Variants in COBLL1 observed in about 807,000 individuals in gnomAD.
COBLL1 encodes cordon-bleu protein-like 1.
COBLL1 carries 50 observed loss-of-function variants against 94.8 expected under a neutral mutation model. The ratio of observed to expected loss-of-function variants is 0.53; its 90% CI spans 0.42 to 0.67. The LOEUF is 0.67. Ranked by LOEUF, COBLL1 falls within the 30% of genes least tolerant of loss-of-function variation. COBLL1 has a pLI of 0.00. For missense variants in COBLL1, 1,362 were observed against 1,348.7 expected (o/e 1.01, Z -0.15); for synonymous variants, 448 against 473.8 (o/e 0.95, Z 0.71).
intron 2 of COBLL1, among the ~76,000 whole-genome samples, chr2:164,829,500 A>G (rs1682957541): frequency 2.0e-5 from 3 of 152,166 alleles, no homozygotes; most frequent in Admixed American, 1.3e-4. Flanking sequence ...TACTTAGCTA[A>G]CTAAAGCAAA....
chr2:164,828,686 C>T (rs1011433281), intron 2 of COBLL1, among the ~76,000 whole-genome samples: 2 of 152,178 alleles, frequency 1.3e-5, no homozygotes, highest in Non-Finnish European at 2.9e-5. Flanking sequence ...GCAACTGAGA[C>T]GTGGCCAGCG....
chr2:164,759,767 A>G (rs188066923), intron 2 of COBLL1, among the ~76,000 whole-genome samples: 18 of 152,366 alleles, frequency 1.2e-4, no homozygotes, highest in African/African-American at 4.1e-4. Flanking sequence ...CTCGTTACCA[A>G]CGAGGGTACA....
chr2:164,784,532 T>G (rs960762244), intron 2 of COBLL1, among the ~76,000 whole-genome samples: 6 of 152,082 alleles, frequency 3.9e-5, no homozygotes, highest in Admixed American at 6.5e-5. Flanking sequence ...TGTGAGCATA[T>G]CCACCCATTG....
chr2:164,775,709 C>T (rs1688430957), intron 2 of COBLL1, among the ~76,000 whole-genome samples: 1 of 152,100 alleles, frequency 6.6e-6, no homozygotes, highest in African/African-American at 2.4e-5. Flanking sequence ...CAGCCTTGGC[C>T]TATCAAAGTG....
chr2:164,732,404 G>C (rs546607257), intron 3 of COBLL1, among the ~76,000 whole-genome samples: 1 of 152,124 alleles, frequency 6.6e-6, no homozygotes, highest in Non-Finnish European at 1.5e-5. Flanking sequence ...TGTGGAAGTT[G>C]ATTTTTTGGT....
At chr2:164,765,640 G>A (rs355841) in intron 2 of COBLL1, among the ~76,000 whole-genome samples, 36,037 of 151,968 alleles carry the variant, frequency 0.24, 5,053 homozygotes, top group African/African-American at 0.39. Context: ...CTCGGTGAAA[G>A]GTGAGTAATG....
Position 164,757,450 on chromosome 2 carries a change from G to T in COBLL1, c.42-13575C>A, listed in dbSNP as rs145112914. Among the ~76,000 whole-genome samples, 907 of 152,028 alleles carry T rather than the reference G, an allele frequency of 6.0e-3. 2 individuals carry two copies. Among genetic ancestry groups the T allele is most frequent in the Non-Finnish European group, 0.01 (701 of 67,968 alleles). ...ATTTTTGTTTCCTTTTATCAAAGAGGAAAATTCCTCATGAAAGAAACAAAA... is the reference window on the plus strand; with the variant it reads ...ATTTTTGTTTCCTTTTATCAAAGAGTAAAATTCCTCATGAAAGAAACAAAA... On this transcript the variant is annotated intron_variant, in intron 2 of 13. Coordinates refer to ENST00000652658, the MANE Select transcript of COBLL1 (RefSeq NM_001365672.2).
At chr2:164,730,630 T>A (rs1478314932) in intron 3 of COBLL1, among the ~76,000 whole-genome samples, 49 of 152,204 alleles carry the variant, frequency 3.2e-4, no homozygotes, top group Admixed American at 3.2e-3. Flanking sequence ...AGAGCATAGA[T>A]CCTAGTGTCA....
intron 2 of COBLL1, among the ~76,000 whole-genome samples, chr2:164,818,789 AT>A (rs1407080573): frequency 7.4e-6 from 1 of 134,672 alleles, no homozygotes; most frequent in Non-Finnish European, 1.5e-5. Flanking sequence ...TATACATATA[AT>A]TTTTTTTCGA....
intron 2 of COBLL1, among the ~76,000 whole-genome samples, chr2:164,803,609 A>AAT (rs1479296258): frequency 5.9e-5 from 9 of 151,904 alleles, no homozygotes; most frequent in Admixed American, 2.6e-4. Flanking sequence ...AATAAAATAA[A>AAT]AAGCAAAGTT....
intron 2 of COBLL1, chr2:164,779,898 G>A (rs1040949259): frequency 3.4e-6 from 1 of 293,272 alleles, no homozygotes; most frequent in Non-Finnish European, 7.2e-6. Flanking sequence ...TCCATCTATG[G>A]GAATGTTCTC....
chr2:164,781,540 T>C (rs561303646), intron 2 of COBLL1, among the ~76,000 whole-genome samples: 11 of 152,282 alleles, frequency 7.2e-5, no homozygotes, highest in Admixed American at 5.2e-4. Flanking sequence ...TTTCTCACAA[T>C]CCACAGACAC....
chr2:164,659,713 C>G (rs2105381494), intron 2 of COBLL1, among the ~76,000 whole-genome samples: 1 of 152,256 alleles, frequency 6.6e-6, no homozygotes, highest in African/African-American at 2.4e-5. Flanking sequence ...TGGGCAACTG[C>G]CATCTTTTAG....
At chr2:164,718,473 C>A (rs905277815) in intron 7 of COBLL1, among the ~76,000 whole-genome samples, 2 of 151,912 alleles carry the variant, frequency 1.3e-5, no homozygotes, top group Admixed American at 1.3e-4. Flanking sequence ...TAGTATATGG[C>A]CACCTGAGGA....
chr2:164,786,684 CAG>C (rs995015287), intron 2 of COBLL1, among the ~76,000 whole-genome samples: 1 of 152,124 alleles, frequency 6.6e-6, no homozygotes, highest in Non-Finnish European at 1.5e-5. Flanking sequence ...CCTCAGGAGA[CAG>C]AGATCCAGAA....
chr2:164,773,331 G>A (rs1688298674), intron 2 of COBLL1, among the ~76,000 whole-genome samples: 1 of 152,092 alleles, frequency 6.6e-6, no homozygotes, highest in African/African-American at 2.4e-5. Context: ...ACCTCACCAT[G>A]TCTTAAGGCT....
At chr2:164,678,868 T>G (rs75790989), downstream of COBLL1, among the ~76,000 whole-genome samples, 146 of 152,312 alleles carry the variant, frequency 9.6e-4, 1 homozygote, top group East Asian at 0.026. Flanking sequence ...TGTTTCTTTA[T>G]GACCCAGCAC....
chr2:164,756,533 G>C (rs1314238380), intron 2 of COBLL1, among the ~76,000 whole-genome samples: 2 of 152,080 alleles, frequency 1.3e-5, no homozygotes, highest in Non-Finnish European at 2.9e-5. Flanking sequence ...TAGAGTAATA[G>C]TTTATTCCTA....
At position 164,743,867 on chromosome 2, in the gene COBLL1, G is replaced by T; in HGVS notation, c.50C>A (p.Pro17Gln). Reference protein sequence around the residue: ...RPQDAPARRKPKAKAPLPPAE... With the variant: ...RPQDAPARRKQKAKAPLPPAE... Reference sequence around the variant, plus strand: ...TGGAGGAAGTGGTGCCTTGGCTTTTGGTTTTCTCCTAAAATATAAAGAAAA... The same window carrying T: ...TGGAGGAAGTGGTGCCTTGGCTTTTTGTTTTCTCCTAAAATATAAAGAAAA... The change falls in exon 3 of 14, where the codon CCA becomes CAA. Residue 17 changes from proline (P) to glutamine (Q), a missense_variant. Pro to Gln is a moderately conservative substitution (Grantham distance 76). Transcript: ENST00000652658. The T allele has an allele frequency of 1.3e-6, 2 of 1,523,084 alleles. No individual in the cohort carries two copies. The highest frequency in any genetic ancestry group is 1.8e-6 in the Non-Finnish European group (2 of 1,132,948). The allele number at this position is 1,523,084 out of a possible 1,614,324, so 94.3% of individuals were successfully genotyped here.
Sources: gnomAD v4.1 joint callset for allele counts (sites outside exome capture counted in the v4.1 genomes callset) on GRCh38, gnomAD v4.1.1 for gene constraint, MANE v1.5 for transcripts, NCBI Gene and HGNC (gene_info 2026-07-23, HGNC 2026-07-21) for gene names.